The following INSYN2B variants were observed in gnomAD, a reference collection of about 807,000 sequenced individuals.
INSYN2B encodes inhibitory synaptic factor family member 2B.
Under a neutral mutation model 41.2 loss-of-function variants are expected in INSYN2B, and 16 were observed. The ratio of observed to expected loss-of-function variants is 0.39; its 90% CI spans 0.26 to 0.59. The LOEUF (loss-of-function observed/expected upper bound fraction) is 0.59, where lower values mean the gene tolerates loss of function less well. Among genes scored for constraint, INSYN2B ranks in the 20% least tolerant of loss-of-function variants. INSYN2B has a pLI of 0.57. For synonymous variants in INSYN2B, 245 were observed against 244.4 expected, an observed-to-expected ratio of 1.00 and a Z score of -0.02; for missense variants, 608 against 646.4, an observed-to-expected ratio of 0.94 and a Z score of 0.64.
At chr5:169,919,954 C>T (rs915966991) in intron 1 of INSYN2B, among the ~76,000 whole-genome samples, 5 of 152,218 alleles carry the variant, frequency 3.3e-5, no homozygotes, top group Non-Finnish European at 2.9e-5. Context: ...CAAGTAACTA[C>T]ACTTTGTGTT....
At chr5:169,967,387 G>C (rs1777341618) in intron 1 of INSYN2B, among the ~76,000 whole-genome samples, 1 of 152,218 alleles carries the variant, frequency 6.6e-6, no homozygotes, top group South Asian at 2.1e-4. Context: ...TCTGGTAAAG[G>C]CAACAGCATG....
At chr5:169,939,721 G>A (rs1776155909) in intron 1 of INSYN2B, among the ~76,000 whole-genome samples, 1 of 152,076 alleles carries the variant, frequency 6.6e-6, no homozygotes, top group Non-Finnish European at 1.5e-5. Context: ...GTATATATAT[G>A]TTTTCATATA....
rs964343957 is a variant in INSYN2B at position 169,882,624 on chromosome 5, C to T, written c.1275G>A (p.Ser425=). Residue 425 remains serine, a synonymous_variant, in exon 2 of 4, where the codon TCG becomes TCA. Coordinates refer to ENST00000377365, the MANE Select transcript of INSYN2B (RefSeq NM_001129891.3). ...AAAGGACTTTAATTTTCTCTTGGTT[C>T]GAGTGCAGAGATTCCTCCACAGATT... ...RLQSVEESLH[S]NQEKIKVLLN... 10 of 1,551,688 alleles carry T rather than the reference C, an allele frequency of 6.4e-6. No homozygotes were observed. Among genetic ancestry groups the T allele is most frequent in the African/African-American group, 4.1e-5 (3 of 73,008 alleles).
intron 3 of INSYN2B, among the ~76,000 whole-genome samples, chr5:169,876,601 A>G (rs892168090): frequency 7.2e-5 from 11 of 152,236 alleles, no homozygotes; most frequent in African/African-American, 2.7e-4. Context: ...TCTCTGAGTC[A>G]TCAAAGAAAG....
intron 1 of INSYN2B, among the ~76,000 whole-genome samples, chr5:169,902,108 C>A (rs77798159): frequency 0.011 from 1,651 of 152,278 alleles, 8 homozygotes; most frequent in South Asian, 0.044. Context: ...GCATCTTGAT[C>A]TGTAGGGTTA....
chr5:169,972,586 TGATAGATA>T (rs1554122914), intron 1 of INSYN2B, among the ~76,000 whole-genome samples: 174 of 69,032 alleles, frequency 2.5e-3, no homozygotes, highest in African/African-American at 6.0e-3. Flanking sequence ...GATAGATAGA[TGATAGATA>T]GATAGATAGA....
At chr5:169,867,614 T>A (rs369792168) in intron 3 of INSYN2B, among the ~76,000 whole-genome samples, 14 of 111,402 alleles carry the variant, frequency 1.3e-4, no homozygotes, top group African/African-American at 5.4e-4. Flanking sequence ...CTATCATGTA[T>A]CATTATCTAT....
chr5:169,866,583 G>A (rs1581317259), intron 3 of INSYN2B, among the ~76,000 whole-genome samples: 2 of 152,196 alleles, frequency 1.3e-5, no homozygotes, highest in East Asian at 3.9e-4. Context: ...AGGAAGGAAT[G>A]GTAGGCAGAC....
At chr5:169,865,976 G>C (rs1050080513) in intron 3 of INSYN2B, among the ~76,000 whole-genome samples, 1 of 152,226 alleles carries the variant, frequency 6.6e-6, no homozygotes, top group Non-Finnish European at 1.5e-5. Context: ...GAGCCCCAAA[G>C]AGTGCCTCGT....
intron 1 of INSYN2B, among the ~76,000 whole-genome samples, chr5:169,972,574 TAG>T (rs1561859669): frequency 1.5e-5 from 1 of 66,150 alleles, no homozygotes; most frequent in Non-Finnish European, 3.9e-5. Context: ...GATAGATAGA[TAG>T]ATAGATAGAT....
chr5:169,869,196 A>T (rs529082842), intron 3 of INSYN2B, among the ~76,000 whole-genome samples: 4 of 151,334 alleles, frequency 2.6e-5, no homozygotes, highest in African/African-American at 9.7e-5. Flanking sequence ...CAGCAGCATC[A>T]CTCCTCACCC....
intron 1 of INSYN2B, among the ~76,000 whole-genome samples, chr5:169,932,216 G>C (rs961513600): frequency 2.6e-5 from 4 of 152,320 alleles, no homozygotes; most frequent in Middle Eastern, 3.4e-3. Flanking sequence ...CACACACACA[G>C]AGTAAGGAGG....
chr5:169,881,345 A>C lies in INSYN2B; in HGVS notation c.1421+23T>G, dbSNP rs535854286. ...CCTATGGCTTTATGGTCTACAGAGC[A>C]GGCCTCGCTTGTGGCCAGGTACCTG... On this transcript the variant is annotated intron_variant, in intron 3 of 3. Coordinates refer to ENST00000377365, the MANE Select transcript of INSYN2B (RefSeq NM_001129891.3). 4.5e-6 allele frequency: 7 copies of C among 1,545,372 alleles called. No homozygotes were observed. The African/African-American group carries it at 8.2e-5, about 18-fold the overall frequency.
chr5:169,965,890 G>A (rs1331149887), intron 1 of INSYN2B, among the ~76,000 whole-genome samples: 4 of 152,146 alleles, frequency 2.6e-5, no homozygotes, highest in Non-Finnish European at 5.9e-5. Flanking sequence ...CACCTTTGAC[G>A]TGGTTCCTGT....
intron 1 of INSYN2B, among the ~76,000 whole-genome samples, chr5:169,885,940 G>A (rs753841007): frequency 2.0e-5 from 3 of 152,194 alleles, no homozygotes; most frequent in Non-Finnish European, 4.4e-5. Flanking sequence ...GAGAGGGTAA[G>A]TACTCAGTAG....
intron 1 of INSYN2B, among the ~76,000 whole-genome samples, chr5:169,928,050 G>A (rs1775560717): frequency 6.6e-6 from 1 of 152,216 alleles, no homozygotes; most frequent in Non-Finnish European, 1.5e-5. Flanking sequence ...AGGTGGTAGA[G>A]AGGGTACAAA....
chr5:169,880,915 G>A (rs190251799), intron 3 of INSYN2B, among the ~76,000 whole-genome samples: 2 of 152,304 alleles, frequency 1.3e-5, no homozygotes, highest in Admixed American at 1.3e-4. Flanking sequence ...GTTCTTGACT[G>A]TGCCAAGTAA....
chr5:169,925,621 G>A (rs1011234544), intron 1 of INSYN2B, among the ~76,000 whole-genome samples: 3 of 145,624 alleles, frequency 2.1e-5, no homozygotes, highest in African/African-American at 7.6e-5. Context: ...GTCCTGGGGT[G>A]TAATCCCAGC....
At chr5:169,874,816 C>T (rs1276696133) in intron 3 of INSYN2B, among the ~76,000 whole-genome samples, 1 of 152,080 alleles carries the variant, frequency 6.6e-6, no homozygotes, top group Non-Finnish European at 1.5e-5. Context: ...AGCTGAATCT[C>T]CCAAGTATTG....
Sources: allele counts gnomAD v4.1 joint callset (sites outside exome capture counted in the v4.1 genomes callset), GRCh38; gene constraint gnomAD v4.1.1; transcripts MANE v1.5; gene names NCBI Gene and HGNC (gene_info 2026-07-23, HGNC 2026-07-21).